SNAP91: variants seen among roughly 807,000 people sequenced by gnomAD.
SNAP91 encodes synaptosome associated protein 91, also known as clathrin coat assembly protein AP180.
In SNAP91, 27 loss-of-function variants were observed where a neutral mutation model predicts 100.3. The ratio of observed to expected loss-of-function variants is 0.27; its 90% CI spans 0.20 to 0.37. SNAP91 has a LOEUF of 0.37. Ranked by LOEUF, SNAP91 falls within the 10% of genes least tolerant of loss-of-function variation. SNAP91 has a pLI of 1.00. For missense variants in SNAP91, 986 were observed against 1,123.7 expected (o/e 0.88, Z 1.75); for synonymous variants, 404 against 398.6 (o/e 1.01, Z -0.16).
At chr6:83,628,875 C>T (rs1453943935) in intron 8 of SNAP91, among the ~76,000 whole-genome samples, 1 of 152,056 alleles carries the variant, frequency 6.6e-6, no homozygotes, top group Non-Finnish European at 1.5e-5. Flanking sequence ...TAATTAAGTC[C>T]CAGAAATTTA....
intron 22 of SNAP91, among the ~76,000 whole-genome samples, chr6:83,583,791 T>G (rs1305947727): frequency 6.6e-6 from 1 of 152,218 alleles, no homozygotes; most frequent in Non-Finnish European, 1.5e-5. Context: ...GAAAGTGATT[T>G]CCACTAAAAT....
Position 83,582,269 on chromosome 6 carries a change from A to G in SNAP91, c.2102T>C (p.Phe701Ser). The G allele has an allele frequency of 6.2e-7, 1 of 1,613,768 alleles. No homozygotes were observed. The change falls in exon 23 of 30, where the codon TTT becomes TCT. Residue 701 changes from phenylalanine to serine, a missense_variant. This residue lies in a region of SNAP91 where 575 missense variants were observed against 579.9 expected (regional missense o/e 0.99). Coordinates refer to ENST00000369694, the MANE Select transcript of SNAP91 (RefSeq NM_001242792.2). ...GCTGGAAGTTGAAGGCGTTGTCCCA[A>G]AAGCTGCCTCAAAATTGGGCTGTAG... ...NLLQPNFEAA[F>S]GTTPSTSSSS...
intron 2 of SNAP91, among the ~76,000 whole-genome samples, chr6:83,671,293 A>G (rs1370512696): frequency 1.3e-5 from 2 of 152,012 alleles, no homozygotes; most frequent in Non-Finnish European, 2.9e-5. Context: ...TCATTTCAGT[A>G]TCTAAATGTT....
At chr6:83,681,131 T>C (rs2098983568) in intron 2 of SNAP91, among the ~76,000 whole-genome samples, 2 of 152,180 alleles carry the variant, frequency 1.3e-5, no homozygotes. Flanking sequence ...TTAGAATCAC[T>C]AGGTTGAATT....
intron 5 of SNAP91, 36 bp from the exon 6 acceptor site, chr6:83,659,128 TG>T: frequency 6.9e-7 from 1 of 1,449,452 alleles, no homozygotes. Flanking sequence ...ACAATTTCAT[TG>T]GATATGGACA....
chr6:83,563,326 A>C (rs772590987), intron 26 of SNAP91, among the ~76,000 whole-genome samples: 3 of 152,196 alleles, frequency 2.0e-5, no homozygotes, highest in Non-Finnish European at 4.4e-5. Flanking sequence ...GACGAAGTCC[A>C]ACAGCTTTTC....
chr6:83,637,530 T>A (rs2097511433), intron 8 of SNAP91, among the ~76,000 whole-genome samples: 1 of 152,234 alleles, frequency 6.6e-6, no homozygotes, highest in African/African-American at 2.4e-5. Context: ...TGTGCTCCTC[T>A]GACCCAACAG....
At position 83,615,784 on chromosome 6, in the gene SNAP91, C is replaced by T. The variant is rs75018690; in HGVS notation, c.879-922G>A. On this transcript the variant is annotated intron_variant, in intron 10 of 29. Transcript: ENST00000369694. Reference sequence around the variant, plus strand: ...AGAAATAACACAGCTAATGAAATAACCAGAAAAAAAAAGTAACATCAAGAC... The same window carrying T: ...AGAAATAACACAGCTAATGAAATAATCAGAAAAAAAAAGTAACATCAAGAC... Among the ~76,000 whole-genome samples, 240 of 151,774 alleles carry T rather than the reference C, an allele frequency of 1.6e-3. 5 individuals are homozygous for T. The East Asian group carries it at 0.035, about 22-fold the overall frequency.
intron 2 of SNAP91, among the ~76,000 whole-genome samples, chr6:83,680,575 C>G (rs1397002917): frequency 2.0e-5 from 3 of 152,144 alleles, no homozygotes; most frequent in Non-Finnish European, 2.9e-5. Context: ...TTCTGCCCTT[C>G]TCTTTATAAA....
intron 23 of SNAP91, 64 bp from the exon 24 acceptor site, chr6:83,580,663 A>C (rs1253979509): frequency 7.0e-7 from 1 of 1,434,886 alleles, no homozygotes; most frequent in Non-Finnish European, 9.4e-7. Flanking sequence ...TGCGAAATTA[A>C]AGTAAAACTC....
At chr6:83,656,576 T>C (rs2098410597) in intron 7 of SNAP91, among the ~76,000 whole-genome samples, 178 bp downstream of exon 7, 1 of 152,122 alleles carries the variant, frequency 6.6e-6, no homozygotes, top group African/African-American at 2.4e-5. Context: ...ACCCTAGATA[T>C]GGATTTACCA....
At chr6:83,611,254 A>G (rs2096050680) in intron 11 of SNAP91, among the ~76,000 whole-genome samples, 1 of 152,194 alleles carries the variant, frequency 6.6e-6, no homozygotes, top group Non-Finnish European at 1.5e-5. Flanking sequence ...TCTAGGAAAA[A>G]TATTCCCATC....
chr6:83,597,041 A>T (rs1029178694), intron 16 of SNAP91, among the ~76,000 whole-genome samples: 21 of 152,238 alleles, frequency 1.4e-4, no homozygotes, highest in Non-Finnish European at 2.1e-4. Flanking sequence ...CATCCTTAGA[A>T]GAGGGTTTTA....
At chr6:83,688,271 C>T (rs1324882447) in intron 2 of SNAP91, among the ~76,000 whole-genome samples, 1 of 152,178 alleles carries the variant, frequency 6.6e-6, no homozygotes, top group African/African-American at 2.4e-5. Context: ...CCATCTTCTA[C>T]ATAACCAGTG....
intron 7 of SNAP91, among the ~76,000 whole-genome samples, chr6:83,647,822 A>C (rs560617536): frequency 6.6e-6 from 1 of 152,148 alleles, no homozygotes; most frequent in Non-Finnish European, 1.5e-5. Flanking sequence ...CACACACCAG[A>C]TAACTTGTAA....
At chr6:83,653,751 C>T (rs1034533154) in intron 7 of SNAP91, among the ~76,000 whole-genome samples, 6 of 152,042 alleles carry the variant, frequency 3.9e-5, no homozygotes, top group South Asian at 4.1e-4. Context: ...TGTTAAGGTG[C>T]GGAGAGGGGA....
intron 28 of SNAP91, 124 bp from the exon 29 acceptor site, chr6:83,556,369 GAGAGAGAGAGAGAGAGAGAGAGAGAGAA>G: frequency 4.1e-6 from 2 of 488,178 alleles, no homozygotes; most frequent in Admixed American, 3.2e-5. Flanking sequence ...GAGAGAGAGA[GAGAGAGAGAGAGAGAGAGAGAGAGAGAA>G]AAGCATTAGG....
chr6:83,680,640 T>A (rs1427831071), intron 2 of SNAP91, among the ~76,000 whole-genome samples: 2 of 152,264 alleles, frequency 1.3e-5, no homozygotes. Flanking sequence ...TTTCTTGAGT[T>A]CTCTAGTGCT....
chr6:83,643,623 T>G (rs2128575060), intron 7 of SNAP91, among the ~76,000 whole-genome samples: 1 of 152,316 alleles, frequency 6.6e-6, no homozygotes, highest in East Asian at 1.9e-4. Flanking sequence ...ACTTGAGAGT[T>G]ATTTCATTCA....
Sources: allele counts gnomAD v4.1 joint callset (sites outside exome capture counted in the v4.1 genomes callset), GRCh38; gene constraint gnomAD v4.1.1; regional missense constraint gnomAD v4.1.1; transcripts MANE v1.5; gene names NCBI Gene and HGNC (gene_info 2026-07-23, HGNC 2026-07-21).